CFAP299: variants seen among roughly 807,000 people sequenced by gnomAD.
The protein encoded by CFAP299 is cilia- and flagella-associated protein 299.
CFAP299 carries 21 observed loss-of-function variants against 27.0 expected under a neutral mutation model. The ratio of observed to expected loss-of-function variants is 0.78; its 90% CI spans 0.55 to 1.12. The LOEUF is 1.12. Ranked by LOEUF, CFAP299 falls within the 50% of genes most tolerant of loss-of-function variation. CFAP299 has a pLI of 0.00. For missense variants in CFAP299, 310 were observed against 276.6 expected (o/e 1.12, Z -0.86); for synonymous variants, 104 against 98.1 (o/e 1.06, Z -0.36).
intron 3 of CFAP299, among the ~76,000 whole-genome samples, chr4:80,835,266 A>T (rs1418683815): frequency 1.3e-5 from 2 of 151,816 alleles, no homozygotes; most frequent in South Asian, 2.1e-4. Flanking sequence ...CGCCTGGCTA[A>T]TTTTTTGTAT....
chr4:80,770,309 G>A (rs973729748), intron 3 of CFAP299, among the ~76,000 whole-genome samples: 4 of 152,084 alleles, frequency 2.6e-5, no homozygotes, highest in Non-Finnish European at 2.9e-5. Context: ...GAGGATATAC[G>A]GAGCAACTCC....
At chr4:80,758,454 A>C (rs558509457) in intron 3 of CFAP299, among the ~76,000 whole-genome samples, 1 of 152,198 alleles carries the variant, frequency 6.6e-6, no homozygotes, top group Non-Finnish European at 1.5e-5. Flanking sequence ...GATGGGGGGA[A>C]GGGAGGGCCA....
chr4:80,657,823 A>G (rs1158408807), intron 3 of CFAP299, among the ~76,000 whole-genome samples: 1 of 152,086 alleles, frequency 6.6e-6, no homozygotes, highest in Non-Finnish European at 1.5e-5. Flanking sequence ...ATTGGGCAGG[A>G]TGGCCATTTT....
intron 3 of CFAP299, among the ~76,000 whole-genome samples, chr4:80,643,094 C>T (rs909100142): frequency 2.0e-5 from 3 of 151,766 alleles, no homozygotes; most frequent in African/African-American, 7.3e-5. Context: ...CCTAGGAGTT[C>T]GAGACCAGCT....
chr4:80,549,577 C>A (rs2110208040), intron 2 of CFAP299, among the ~76,000 whole-genome samples: 1 of 152,202 alleles, frequency 6.6e-6, no homozygotes, highest in Middle Eastern at 3.4e-3. Flanking sequence ...CATTTCAGTG[C>A]CTTAAATATG....
At chr4:80,854,900 G>A (rs1160705923) in intron 3 of CFAP299, among the ~76,000 whole-genome samples, 1 of 149,946 alleles carries the variant, frequency 6.7e-6, no homozygotes, top group Non-Finnish European at 1.5e-5. Context: ...AAGGATGTGT[G>A]CAAGAAATTT....
At chr4:80,881,365 C>T (rs1334502546) in intron 4 of CFAP299, among the ~76,000 whole-genome samples, 1 of 152,188 alleles carries the variant, frequency 6.6e-6, no homozygotes, top group East Asian at 1.9e-4. Context: ...TTCTATCTTG[C>T]ATCATAACAA....
intron 2 of CFAP299, among the ~76,000 whole-genome samples, chr4:80,521,191 C>T (rs1732894214): frequency 6.6e-6 from 1 of 152,014 alleles, no homozygotes; most frequent in Non-Finnish European, 1.5e-5. Flanking sequence ...ATTAAACCGA[C>T]ACAAAAAAAT....
intron 3 of CFAP299, among the ~76,000 whole-genome samples, chr4:80,586,028 G>A (rs1010895920): frequency 1.3e-5 from 2 of 152,088 alleles, no homozygotes; most frequent in Non-Finnish European, 2.9e-5. Flanking sequence ...GTATAGTTCA[G>A]TGATTAAAAA....
rs1055733611 is a variant in CFAP299 at position 80,689,266 on chromosome 4, GA to G, written c.333+106089del. Among the ~76,000 whole-genome samples, 75 of 152,188 alleles carry G rather than the reference GA, an allele frequency of 4.9e-4. 2 individuals carry two copies. The highest frequency in any genetic ancestry group is 2.1e-3 in the South Asian group (10 of 4,826). ...CAGATTCACCAACGTTGAAATGAAG[GA>G]AAAAATGTTAAGGGCAGCCAGAGAG... On this transcript the variant is annotated intron_variant, in intron 3 of 5. Transcript: ENST00000358105.
chr4:80,924,534 G>GTATATATATA (rs1465517650), intron 4 of CFAP299, among the ~76,000 whole-genome samples: 2 of 131,996 alleles, frequency 1.5e-5, no homozygotes, highest in African/African-American at 7.1e-5. Flanking sequence ...GTGTGTGTGT[G>GTATATATATA]TGTGTATATA....
At chr4:80,567,731 T>TTTTATATA (rs1190269196) in intron 2 of CFAP299, among the ~76,000 whole-genome samples, 15 of 148,784 alleles carry the variant, frequency 1.0e-4, no homozygotes, top group Non-Finnish European at 1.8e-4. Flanking sequence ...TCTAATGTAT[T>TTTTATATA]TATATATATA....
intron 2 of CFAP299, among the ~76,000 whole-genome samples, chr4:80,532,632 A>G (rs1733532229): frequency 6.6e-6 from 1 of 152,234 alleles, no homozygotes; most frequent in South Asian, 2.1e-4. Context: ...ATGACATACT[A>G]TAGGTAAATT....
At chr4:80,504,043 A>G (rs1048740522) in intron 2 of CFAP299, among the ~76,000 whole-genome samples, 1 of 152,128 alleles carries the variant, frequency 6.6e-6, no homozygotes, top group Non-Finnish European at 1.5e-5. Flanking sequence ...ATAATCAAGC[A>G]AATAGATGTA....
intron 3 of CFAP299, among the ~76,000 whole-genome samples, chr4:80,775,002 A>T (rs1726442023): frequency 6.6e-6 from 1 of 151,980 alleles, no homozygotes; most frequent in South Asian, 2.1e-4. Flanking sequence ...ATATGTATAC[A>T]TATGTAACTA....
At chr4:80,581,335 A>G (rs1736152542) in intron 2 of CFAP299, among the ~76,000 whole-genome samples, 1 of 151,100 alleles carries the variant, frequency 6.6e-6, no homozygotes, top group Non-Finnish European at 1.5e-5. Context: ...TGGACAGAAC[A>G]GTGAATTAAA....
intron 4 of CFAP299, among the ~76,000 whole-genome samples, chr4:80,936,900 T>C (rs914660290): frequency 7.2e-5 from 11 of 152,154 alleles, no homozygotes; most frequent in African/African-American, 2.7e-4. Flanking sequence ...TTGAGATGAA[T>C]GTATATTCTG....
intron 3 of CFAP299, among the ~76,000 whole-genome samples, chr4:80,649,990 A>C (rs953844238): frequency 6.6e-6 from 1 of 151,978 alleles, no homozygotes; most frequent in African/African-American, 2.4e-5. Context: ...ATTTTTTTTC[A>C]ATGCTCTACT....
At chr4:80,548,404 C>T (rs1044462528) in intron 2 of CFAP299, among the ~76,000 whole-genome samples, 9 of 152,044 alleles carry the variant, frequency 5.9e-5, no homozygotes, top group African/African-American at 1.2e-4. Context: ...GGATATGAGG[C>T]GGGCATAAAT....
Sources: allele counts gnomAD v4.1 joint callset (sites outside exome capture counted in the v4.1 genomes callset), GRCh38; gene constraint gnomAD v4.1.1; transcripts MANE v1.5; gene names NCBI Gene and HGNC (gene_info 2026-07-23, HGNC 2026-07-21).